NEU3: variants seen among roughly 807,000 people sequenced by gnomAD.
NEU3 encodes sialidase-3.
In NEU3, 10 loss-of-function variants were observed where a neutral mutation model predicts 11.4. That is an observed-to-expected ratio of 0.88 (90% CI 0.54 to 1.49). The LOEUF (loss-of-function observed/expected upper bound fraction) is 1.49. Among genes scored for constraint, NEU3 ranks in the 40% most tolerant of loss-of-function variants. NEU3 has a pLI of 0.00. For synonymous variants in NEU3, 212 were observed against 228.2 expected, an observed-to-expected ratio of 0.93 and a Z score of 0.64; for missense variants, 529 against 581.8, an observed-to-expected ratio of 0.91 and a Z score of 0.93.
upstream of NEU3, chr11:74,988,859 C>G (rs1038031507): frequency 1.8e-6 from 1 of 570,842 alleles, no homozygotes; most frequent in African/African-American, 2.0e-5. Flanking sequence ...GCGGAGTAGG[C>G]CAACGGTTGG....
Position 74,993,498 on chromosome 11 carries a change from C to A in NEU3, c.95-1011C>A, listed in dbSNP as rs144934147. Among the ~76,000 whole-genome samples, 186 of 152,290 alleles carry A rather than the reference C, an allele frequency of 1.2e-3. 1 individual carries two copies. The highest frequency in any genetic ancestry group is 4.3e-3 in the African/African-American group (177 of 41,562). ...GGATTACAGGTGTGAGCCACCACGCCCGGCCTGGTTAGACTCTAGTTTTTG... is the reference window on the plus strand; with the variant it reads ...GGATTACAGGTGTGAGCCACCACGCACGGCCTGGTTAGACTCTAGTTTTTG... On this transcript the variant is annotated intron_variant, in intron 1 of 2. Coordinates refer to ENST00000294064, the MANE Select transcript of NEU3 (RefSeq NM_006656.6).
intron 2 of NEU3, among the ~76,000 whole-genome samples, chr11:74,997,079 C>T (rs562358071): frequency 1.1e-4 from 17 of 152,066 alleles, no homozygotes; most frequent in African/African-American, 3.4e-4. Flanking sequence ...GTCACCAGCC[C>T]GTCCTTTGAA....
At position 75,008,662 on chromosome 11, in the gene NEU3, C is replaced by G. The variant is rs565104958; in HGVS notation, c.*2170C>G. On this transcript the variant is annotated 3_prime_UTR_variant, in exon 3 of 3. Coordinates refer to ENST00000294064, the MANE Select transcript of NEU3 (RefSeq NM_006656.6). ...CTCCGCCTCCTGGGTTCAAGCAATT[C>G]TCCTGCCTCAGCCTCCCAAGTAGCT... The G allele has an allele frequency of 6.6e-6, 1 of 151,700 alleles. No individual in the cohort carries two copies. Among genetic ancestry groups the G allele is most frequent in the South Asian group, 2.1e-4 (1 of 4,808 alleles). The allele number at this position is 151,700 out of a possible 1,614,324, so 9.4% of individuals were successfully genotyped here. A position where few individuals can be genotyped will look rare whatever the true frequency, so the allele number is the denominator to read the frequency against.
chr11:75,001,970 T>TTC (rs1948848692), intron 2 of NEU3, among the ~76,000 whole-genome samples: 4 of 152,224 alleles, frequency 2.6e-5, no homozygotes, highest in African/African-American at 7.2e-5. Context: ...AAGGACGGAA[T>TTC]GGTCTTTTAT....
At chr11:75,001,467 G>C (rs7944151) in intron 2 of NEU3, among the ~76,000 whole-genome samples, 1 of 151,702 alleles carries the variant, frequency 6.6e-6, no homozygotes, top group Non-Finnish European at 1.5e-5. Context: ...ATTTTTAGTA[G>C]AGACAGGGTT....
At chr11:74,993,788 GGCATCACATGGCAAGGGGGCTGATTAT>G (rs1429451174) in intron 1 of NEU3, among the ~76,000 whole-genome samples, 1 of 151,918 alleles carries the variant, frequency 6.6e-6, no homozygotes, top group Non-Finnish European at 1.5e-5. Flanking sequence ...GGTGGCATAG[GGCATCACATGGCAAGGGGGCTGATTAT>G]GCTAGCTCAG....
chr11:75,012,283 G>T (rs972402269), downstream of NEU3, among the ~76,000 whole-genome samples: 4 of 152,176 alleles, frequency 2.6e-5, no homozygotes, highest in African/African-American at 9.7e-5. Flanking sequence ...ACCTACTCCA[G>T]TCAACAAAGC....
At position 74,989,006 on chromosome 11, in the gene NEU3, C is replaced by G. The variant is rs1352750731; in HGVS notation, c.-55C>G. 1.5e-6 allele frequency: 2 copies of G among 1,338,116 alleles called. No homozygotes were observed. Among genetic ancestry groups the G allele is most frequent in the Non-Finnish European group, 2.1e-6 (2 of 956,452 alleles). 82.9% of individuals were successfully genotyped at this position (1,338,116 alleles called of 1,614,324 possible). A position where few individuals can be genotyped will look rare whatever the true frequency, so the allele number is the denominator to read the frequency against. On this transcript the variant is annotated 5_prime_UTR_variant, in exon 1 of 3. Transcript: ENST00000294064. ...TCAGTTGTTTCTCCCTCTCTATCCT[C>G]CTCTGTCTCAGTCTCCCCAGCCTTG...
At chr11:74,993,360 C>A (rs1001008441) in intron 1 of NEU3, among the ~76,000 whole-genome samples, 1 of 152,146 alleles carries the variant, frequency 6.6e-6, no homozygotes. Flanking sequence ...CCTGCCAGCA[C>A]ACCCGGCTAA....
In NEU3 at chr11:75,005,658, A is replaced by T; in HGVS notation, c.552A>T (p.Ser184=). The T allele has an allele frequency of 6.2e-7, 1 of 1,614,052 alleles. No individual in the cohort carries two copies. The highest frequency in any genetic ancestry group is 8.5e-7 in the Non-Finnish European group (1 of 1,179,898). ...ACTTGACTGAGGAGGTCATTGGCTC[A>T]GAGCTGAAGCACTGGGCCACATTTG... ...VRDLTEEVIG[S]ELKHWATFAV... Residue 184 remains serine, a synonymous_variant, in exon 3 of 3, where the codon TCA becomes TCT. Coordinates refer to ENST00000294064, the MANE Select transcript of NEU3 (RefSeq NM_006656.6).
intron 3 of NEU3, among the ~76,000 whole-genome samples, chr11:75,016,118 C>T (rs1808433851): frequency 6.6e-6 from 1 of 152,172 alleles, no homozygotes; most frequent in African/African-American, 2.4e-5. Flanking sequence ...TATGTCTGGA[C>T]AGTTGCCAAG....
chr11:74,998,221 A>T (rs1948812170), intron 2 of NEU3, among the ~76,000 whole-genome samples: 1 of 152,264 alleles, frequency 6.6e-6, no homozygotes, highest in South Asian at 2.1e-4. Context: ...CAGTAATAAC[A>T]TCAAAGATCA....
intron 1 of NEU3, among the ~76,000 whole-genome samples, chr11:74,989,448 G>A (rs535622815): frequency 2.2e-4 from 33 of 152,314 alleles, no homozygotes; most frequent in African/African-American, 7.9e-4. Context: ...CTGAGCTTCA[G>A]TTTCAACTTA....
downstream of NEU3, among the ~76,000 whole-genome samples, chr11:75,015,877 T>C (rs1262483765): frequency 6.6e-6 from 1 of 152,182 alleles, no homozygotes; most frequent in Non-Finnish European, 1.5e-5. Flanking sequence ...CCTACTGATA[T>C]TCTTTCCAAT....
At chr11:75,000,784 T>TATTTATTTA (rs1425896954) in intron 2 of NEU3, among the ~76,000 whole-genome samples, 4 of 146,644 alleles carry the variant, frequency 2.7e-5, no homozygotes, top group Non-Finnish European at 4.5e-5. Flanking sequence ...CTAATTTATT[T>TATTTATTTA]ATTTATTTAT....
downstream of NEU3, among the ~76,000 whole-genome samples, chr11:75,014,954 A>C (rs1193933392): frequency 6.6e-6 from 1 of 152,230 alleles, no homozygotes; most frequent in Admixed American, 6.5e-5. Flanking sequence ...AAAAGTTTAA[A>C]CCTTTGGCAC....
At chr11:75,013,633 T>C (rs1948969088), downstream of NEU3, among the ~76,000 whole-genome samples, 1 of 152,200 alleles carries the variant, frequency 6.6e-6, no homozygotes, top group Admixed American at 6.5e-5. Context: ...GGGAAGGGAC[T>C]TGGTCTGAGT....
At position 75,010,290 on chromosome 11, in the gene NEU3, G is replaced by C. The variant is rs973355968; in HGVS notation, c.*3798G>C. ...CTGTCATATTCTGAATTCCCTGAAG[G>C]TAAGGACTATGTCTGATTCCTCTCT... is the stretch of plus-strand genomic sequence containing the variant. On this transcript the variant is annotated 3_prime_UTR_variant, in exon 3 of 3. Coordinates refer to ENST00000294064, the MANE Select transcript of NEU3 (RefSeq NM_006656.6). 1 of 152,194 alleles carries C rather than the reference G, an allele frequency of 6.6e-6. No individual in the cohort carries two copies. Among genetic ancestry groups the C allele is most frequent in the African/African-American group, 2.4e-5 (1 of 41,450 alleles). 9.4% of individuals were successfully genotyped at this position (152,194 alleles called of 1,614,324 possible).
intron 3 of NEU3, among the ~76,000 whole-genome samples, chr11:75,018,538 C>T (rs1038774011): frequency 2.6e-5 from 4 of 152,198 alleles, no homozygotes; most frequent in South Asian, 2.1e-4. Flanking sequence ...TTCCTACCCT[C>T]AAACATCAGA....
Sources: allele counts gnomAD v4.1 joint callset (sites outside exome capture counted in the v4.1 genomes callset), GRCh38; gene constraint gnomAD v4.1.1; transcripts MANE v1.5; gene names NCBI Gene and HGNC (gene_info 2026-07-23, HGNC 2026-07-21).